The following SPAG9 variants were observed in gnomAD, a reference collection of about 807,000 sequenced individuals.
The protein encoded by SPAG9 is C-Jun-amino-terminal kinase-interacting protein 4.
SPAG9 carries 35 observed loss-of-function variants against 166.5 expected under a neutral mutation model. The observed-to-expected ratio is 0.21, with a 90% CI of 0.16 to 0.28. SPAG9 has a LOEUF of 0.28. SPAG9 is among the 10% of genes least tolerant of loss of function. SPAG9 has a pLI of 1.00. For synonymous variants in SPAG9, 534 were observed against 565.5 expected, an observed-to-expected ratio of 0.94 and a Z score of 0.79; for missense variants, 1,235 against 1,603.3, an observed-to-expected ratio of 0.77 and a Z score of 3.92.
rs181034215 is a variant in SPAG9 at position 50,987,575 on chromosome 17, A to G, written c.2814-338T>C. Among the ~76,000 whole-genome samples the G allele has an allele frequency of 5.9e-5, 9 of 152,294 alleles. No individual in the cohort carries two copies. In the East Asian group the frequency reaches 1.7e-3, roughly 29 times the overall value. Reference sequence around the variant, plus strand: ...AGAAAAGCCAAAGTCAAAAGCTTACATCACATATTTCAACAATTGTACCAG... The same window carrying G: ...AGAAAAGCCAAAGTCAAAAGCTTACGTCACATATTTCAACAATTGTACCAG... On this transcript the variant is annotated intron_variant, in intron 21 of 29. Coordinates refer to ENST00000262013, the MANE Select transcript of SPAG9 (RefSeq NM_001130528.3).
chr17:51,024,515 C>T (rs2144220199), intron 6 of SPAG9, among the ~76,000 whole-genome samples: 1 of 152,076 alleles, frequency 6.6e-6, no homozygotes, highest in Non-Finnish European at 1.5e-5. Context: ...CACCTGAGGT[C>T]AAGAGTTCGA....
At chr17:51,112,149 T>C (rs1427870080) in intron 1 of SPAG9, among the ~76,000 whole-genome samples, 2 of 151,782 alleles carry the variant, frequency 1.3e-5, no homozygotes, top group South Asian at 2.1e-4. Context: ...AAAACAAACA[T>C]AGATTGTTCA....
At chr17:51,001,660 T>C in intron 13 of SPAG9, 55 bp downstream of exon 13, 1 of 1,546,302 alleles carries the variant, frequency 6.5e-7, no homozygotes, top group African/African-American at 1.4e-5. Context: ...CATGAAGGAA[T>C]ATTCAAACCT....
Position 51,049,669 on chromosome 17 carries a change from G to A in SPAG9, c.496-2200C>T, listed in dbSNP as rs574490083. Among the ~76,000 whole-genome samples the A allele has an allele frequency of 1.8e-4, 27 of 152,220 alleles. 1 individual carries two copies. In the East Asian group the frequency reaches 4.6e-3, roughly 26 times the overall value. On this transcript the variant is annotated intron_variant, in intron 3 of 29. Coordinates refer to ENST00000262013, the MANE Select transcript of SPAG9 (RefSeq NM_001130528.3). Reference sequence around the variant, plus strand: ...CGCCCAGGCTGGAGTACAGTGGCGCGATCTCGGCTTATTGCAATCTCTGCC... The same window carrying A: ...CGCCCAGGCTGGAGTACAGTGGCGCAATCTCGGCTTATTGCAATCTCTGCC...
At chr17:50,991,536 C>T (rs1975549797) in intron 19 of SPAG9, among the ~76,000 whole-genome samples, 1 of 151,754 alleles carries the variant, frequency 6.6e-6, no homozygotes, top group African/African-American at 2.4e-5. Context: ...CAAAATTTGC[C>T]ACTTTAACCA....
At chr17:51,040,731 C>A (rs1276038420) in intron 5 of SPAG9, among the ~76,000 whole-genome samples, 1 of 152,034 alleles carries the variant, frequency 6.6e-6, no homozygotes, top group Non-Finnish European at 1.5e-5. Context: ...ATGCTTAGAC[C>A]ATGATAAGTA....
At chr17:50,991,199 G>C (rs1461135715) in intron 19 of SPAG9, among the ~76,000 whole-genome samples, 1 of 152,048 alleles carries the variant, frequency 6.6e-6, no homozygotes, top group Non-Finnish European at 1.5e-5. Context: ...ACCACGCCTA[G>C]CCAGCTTCTG....
At chr17:51,075,694 C>T (rs2047950458) in intron 2 of SPAG9, among the ~76,000 whole-genome samples, 1 of 151,998 alleles carries the variant, frequency 6.6e-6, no homozygotes, top group South Asian at 2.1e-4. Flanking sequence ...TATGGTGGCT[C>T]ATGCCTGTAG....
rs2143514801 is a variant in SPAG9 at position 50,965,085 on chromosome 17, G to A, written c.*1187C>T. 6.6e-6 allele frequency: 1 copy of A among 151,962 alleles called. No individual in the cohort carries two copies. The highest frequency in any genetic ancestry group is 6.6e-5 in the Admixed American group (1 of 15,214). The allele number at this position is 151,962 out of a possible 1,614,324, so 9.4% of individuals were successfully genotyped here. On this transcript the variant is annotated 3_prime_UTR_variant, in exon 30 of 30. Transcript: ENST00000262013. ...CTATTTTTTTTTTTTAATGGGCATT[G>A]TGAATGAAAATATGTAATGTCAACC...
chr17:51,100,509 C>T (rs1397592641), intron 1 of SPAG9, among the ~76,000 whole-genome samples: 1 of 152,092 alleles, frequency 6.6e-6, no homozygotes, highest in African/African-American at 2.4e-5. Context: ...GTGACAGTAC[C>T]TACAGTACCT....
At chr17:51,076,918 T>G (rs1390100278) in intron 2 of SPAG9, among the ~76,000 whole-genome samples, 1 of 152,010 alleles carries the variant, frequency 6.6e-6, no homozygotes, top group Admixed American at 6.6e-5. Flanking sequence ...CCCAGCACTT[T>G]GAAGCCCAGA....
Position 51,017,550 on chromosome 17 carries a change from G to C in SPAG9, c.1091+2609C>G, listed in dbSNP as rs947515086. Among the ~76,000 whole-genome samples the C allele has an allele frequency of 6.0e-5, 9 of 150,566 alleles. No individual in the cohort carries two copies. The South Asian group carries it at 6.3e-4, about 11-fold the overall frequency. On this transcript the variant is annotated intron_variant, in intron 8 of 29. Coordinates refer to ENST00000262013, the MANE Select transcript of SPAG9 (RefSeq NM_001130528.3). Reference sequence around the variant, plus strand: ...AGAGAGAGAGAGAGAGAGAGAGAGAGACAGAGGGTTCTGGATTTGAATCCC... The same window carrying C: ...AGAGAGAGAGAGAGAGAGAGAGAGACACAGAGGGTTCTGGATTTGAATCCC...
chr17:51,104,237 G>C (rs1039119604), intron 1 of SPAG9, among the ~76,000 whole-genome samples: 4 of 152,108 alleles, frequency 2.6e-5, no homozygotes, highest in African/African-American at 9.7e-5. Flanking sequence ...GAGAGATCTG[G>C]CCTTAAAGTA....
Position 50,989,748 on chromosome 17 carries a change from G to A in SPAG9, c.2742C>T (p.Tyr914=). The A allele has an allele frequency of 1.2e-6, 2 of 1,614,198 alleles. No individual in the cohort carries two copies. Among genetic ancestry groups the A allele is most frequent in the Non-Finnish European group, 1.7e-6 (2 of 1,180,026 alleles). The part of the protein sequence containing the change: ...DTVDISQTGV[Y]TEHVFTDPLG... ...AAGGATCTGTAAAGACATGCTCTGT[G>A]TAGACGCCAGTTTGGGAGATGTCCA... The change falls in exon 21 of 30, where the codon TAC becomes TAT. Residue 914 remains tyrosine, a synonymous_variant. Coordinates refer to ENST00000262013, the MANE Select transcript of SPAG9 (RefSeq NM_001130528.3).
intron 2 of SPAG9, among the ~76,000 whole-genome samples, chr17:51,059,542 A>C (rs1246192956): frequency 6.6e-6 from 1 of 152,072 alleles, no homozygotes; most frequent in Non-Finnish European, 1.5e-5. Flanking sequence ...TCACAAGGTC[A>C]GAAGTTCGAG....
Position 50,990,616 on chromosome 17 carries a change from C to A in SPAG9, c.2451G>T (p.Gln817His), listed in dbSNP as rs1219661232. 2.5e-6 allele frequency: 4 copies of A among 1,614,194 alleles called. No individual in the cohort carries two copies. Among genetic ancestry groups the A allele is most frequent in the Non-Finnish European group, 3.4e-6 (4 of 1,180,040 alleles). ...TTCCACATAAAGATGCTTTGTCTAC[C>A]TGACCAGATTCTGAAAGATCTTCTC... Reference protein sequence around the residue: ...PAGEDLSESGQVDKASLCGSM... With the variant: ...PAGEDLSESGHVDKASLCGSM... The change falls in exon 20 of 30, where the codon CAG becomes CAT. Residue 817 changes from glutamine to histidine, a missense_variant. Transcript: ENST00000262013.
intron 3 of SPAG9, among the ~76,000 whole-genome samples, chr17:51,053,211 T>C (rs1190760933): frequency 6.7e-6 from 1 of 150,342 alleles, no homozygotes; most frequent in Admixed American, 6.6e-5. Flanking sequence ...ATAATATATT[T>C]ATAAAATTAT....
chr17:50,995,397 T>C, intron 17 of SPAG9, 47 bp downstream of exon 17: 1 of 1,484,500 alleles, frequency 6.7e-7, no homozygotes, highest in Non-Finnish European at 9.2e-7. Flanking sequence ...GAAAAAAAAC[T>C]ACCCAGAGTT....
At chr17:51,086,911 G>C (rs1251573908) in intron 1 of SPAG9, among the ~76,000 whole-genome samples, 1 of 152,124 alleles carries the variant, frequency 6.6e-6, no homozygotes, top group East Asian at 1.9e-4. Context: ...GACAGAGTGA[G>C]ACTCCGTCTC....
Sources: gnomAD v4.1 joint callset for allele counts (sites outside exome capture counted in the v4.1 genomes callset) on GRCh38, gnomAD v4.1.1 for gene constraint, MANE v1.5 for transcripts, NCBI Gene and HGNC (gene_info 2026-07-23, HGNC 2026-07-21) for gene names.